The following CELF5 variants were observed in gnomAD, a reference collection of about 807,000 sequenced individuals.
The protein encoded by CELF5 is CUGBP Elav-like family member 5, also known as CUG-BP and ETR-3 like factor 5.
Under a neutral mutation model 54.9 loss-of-function variants are expected in CELF5, and 6 were observed. That is an observed-to-expected ratio of 0.11 (90% confidence interval 0.06 to 0.22). The LOEUF is 0.22. CELF5 is among the 10% of genes least tolerant of loss of function. CELF5 has a pLI of 1.00. For synonymous variants in CELF5, 271 were observed against 290.9 expected (o/e 0.93, Z 0.70); for missense variants, 401 against 678.6 (o/e 0.59, Z 4.54).
Position 3,224,801 on chromosome 19 carries a change from C to G in CELF5, c.62C>G (p.Pro21Arg). ...CAGCAGCAGCTCCTGCAGCCGCGGC[C>G]CTCGCCCGTGGGCAGCAGCGGGCCC... ...RQQQQLLQPR[P>R]SPVGSSGPEP... is the part of the protein sequence containing the mutation. The change falls in exon 1 of 13, where the codon CCC becomes CGC. Residue 21 changes from proline to arginine, a missense_variant. Coordinates refer to ENST00000292672, the MANE Select transcript of CELF5 (RefSeq NM_021938.4). 6.5e-7 allele frequency: 1 copy of G among 1,532,064 alleles called. No homozygotes were observed. Among genetic ancestry groups the G allele is most frequent in the Non-Finnish European group, 8.8e-7 (1 of 1,140,132 alleles). 94.9% of individuals were successfully genotyped at this position (1,532,064 alleles called of 1,614,324 possible).
chr19:3,269,197 C>T (rs183167265), intron 2 of CELF5, among the ~76,000 whole-genome samples: 179 of 152,228 alleles, frequency 1.2e-3, no homozygotes, highest in Non-Finnish European at 2.0e-3. Context: ...TTTTTTGAGA[C>T]GGAGTATCAC....
intron 11 of CELF5, among the ~76,000 whole-genome samples, chr19:3,290,695 C>T (rs2080330672): frequency 6.6e-6 from 1 of 150,788 alleles, no homozygotes; most frequent in Non-Finnish European, 1.5e-5. Flanking sequence ...TCCTAAGTAG[C>T]TGGGACTACA....
chr19:3,248,501 A>G (rs1043970541), intron 1 of CELF5, among the ~76,000 whole-genome samples: 5 of 151,912 alleles, frequency 3.3e-5, no homozygotes, highest in Non-Finnish European at 5.9e-5. Context: ...TTCACCGAGC[A>G]TGGTGTTCTC....
intron 2 of CELF5, among the ~76,000 whole-genome samples, chr19:3,257,741 G>C (rs1220826996): frequency 6.6e-6 from 1 of 151,690 alleles, no homozygotes; most frequent in Non-Finnish European, 1.5e-5. Flanking sequence ...CTCCCAAAGT[G>C]CTGGGATTAC....
rs373183895 is a variant in CELF5, at chr19:3,268,517, T to C, written c.343-5355T>C. On this transcript the variant is annotated intron_variant, in intron 2 of 12. Transcript: ENST00000292672. This position sits in a 1 kb window ranked among gnomAD's most constrained non-coding sequence, Gnocchi z 4.4. ...TTGTAAGACACTGCCTGGCACCAGC[T>C]CTTGGGTGACTTCCCGTGCCAGGCA... 3.0e-4 allele frequency among the ~76,000 whole-genome samples: 45 copies of C among 151,872 alleles called. No individual in the cohort carries two copies. The East Asian group carries it at 8.2e-3, about 28-fold the overall frequency.
intron 5 of CELF5, among the ~76,000 whole-genome samples, chr19:3,279,208 T>TG (rs1009392098): frequency 1.3e-4 from 18 of 143,074 alleles, no homozygotes; most frequent in Admixed American, 4.9e-4. Flanking sequence ...TGAGAATGGA[T>TG]GGGGGGCCTG....
chr19:3,296,006 C>T (rs2080436239), intron 12 of CELF5: 1 of 152,090 alleles, frequency 6.6e-6, no homozygotes, highest in Non-Finnish European at 1.5e-5. Context: ...ACCGGCCAAG[C>T]ACCCCTTTAA....
intron 2 of CELF5, among the ~76,000 whole-genome samples, chr19:3,264,147 C>G (rs1479364749): frequency 1.3e-5 from 2 of 151,564 alleles, no homozygotes; most frequent in East Asian, 3.9e-4. Context: ...AGTGGTGTGC[C>G]CTTGGAATTC....
intron 1 of CELF5, among the ~76,000 whole-genome samples, chr19:3,244,868 G>T (rs2079542314): frequency 6.6e-6 from 1 of 150,394 alleles, no homozygotes; most frequent in African/African-American, 2.5e-5. Context: ...TGTAGTGTGT[G>T]GTGTGTGTAT....
chr19:3,224,694 G>T lies in CELF5; in HGVS notation c.-46G>T. Reference sequence around the variant, plus strand: ...CGGCCGCCGCTCCAGCTGCGAGTCCGCCCGCCGCCCGCCGCCGCCGCCGCC... The same window carrying T: ...CGGCCGCCGCTCCAGCTGCGAGTCCTCCCGCCGCCCGCCGCCGCCGCCGCC... On this transcript the variant is annotated 5_prime_UTR_variant, in exon 1 of 13. Coordinates refer to ENST00000292672, the MANE Select transcript of CELF5 (RefSeq NM_021938.4). The T allele has an allele frequency of 1.0e-6, 1 of 996,612 alleles. No homozygotes were observed. The highest frequency in any genetic ancestry group is 1.8e-5 in the African/African-American group (1 of 56,968). 61.7% of individuals were successfully genotyped at this position (996,612 alleles called of 1,614,324 possible). A position where few individuals can be genotyped will look rare whatever the true frequency, so the allele number is the denominator to read the frequency against.
chr19:3,250,259 C>T (rs2079630053), intron 1 of CELF5, among the ~76,000 whole-genome samples: 1 of 152,170 alleles, frequency 6.6e-6, no homozygotes, highest in Non-Finnish European at 1.5e-5. Context: ...GAGGCCGAGG[C>T]GGGCAGATCA....
At chr19:3,285,029 AG>A in intron 9 of CELF5, 65 bp downstream of exon 9, 1 of 1,118,984 alleles carries the variant, frequency 8.9e-7, no homozygotes, top group Non-Finnish European at 1.3e-6. Flanking sequence ...CCCCGCCCCC[AG>A]GGCCCGCCCC....
In CELF5 at chr19:3,268,124, G is replaced by A. The variant is rs929995477; in HGVS notation, c.343-5748G>A. Among the ~76,000 whole-genome samples the A allele has an allele frequency of 1.3e-5, 2 of 152,018 alleles. No homozygotes were observed. Among genetic ancestry groups the A allele is most frequent in the Admixed American group, 6.6e-5 (1 of 15,254 alleles). On this transcript the variant is annotated intron_variant, in intron 2 of 12. Coordinates refer to ENST00000292672, the MANE Select transcript of CELF5 (RefSeq NM_021938.4). The surrounding 1 kb of genome is among the most constrained non-coding windows in gnomAD (Gnocchi z 4.4). ...AGCAATTCTTCTGCCTCAGCCTCCC[G>A]AGTAGCTGGGATTACAGGTGCCCGC... is the stretch of plus-strand genomic sequence containing the variant.
At chr19:3,227,067 C>T (rs1916965925) in intron 1 of CELF5, among the ~76,000 whole-genome samples, 1 of 152,090 alleles carries the variant, frequency 6.6e-6, no homozygotes, top group Admixed American at 6.6e-5. Flanking sequence ...GGTCCCAGGT[C>T]CGTCTGTGTG....
chr19:3,261,902 A>C (rs187238719), intron 2 of CELF5, among the ~76,000 whole-genome samples: 1 of 152,322 alleles, frequency 6.6e-6, no homozygotes, highest in East Asian at 1.9e-4. Flanking sequence ...AACACTATCC[A>C]TGGAACATTT....
chr19:3,285,973 C>G lies in CELF5; in HGVS notation c.1134C>G (p.Ile378Met), dbSNP rs976693797. ...AMYPTAAITP[I>M]AHSVPQPPPL... is the part of the protein sequence containing the mutation. ...ACCCCACCGCGGCCATCACGCCCATCGCGCACAGCGTCCCCCAGCCGCCGC... is the reference window on the plus strand; with the variant it reads ...ACCCCACCGCGGCCATCACGCCCATGGCGCACAGCGTCCCCCAGCCGCCGC... Residue 378 changes from isoleucine to methionine, a missense_variant, in exon 10 of 13, where the codon ATC becomes ATG. Coordinates refer to ENST00000292672, the MANE Select transcript of CELF5 (RefSeq NM_021938.4). 2 of 1,588,734 alleles carry G rather than the reference C, an allele frequency of 1.3e-6. No individual in the cohort carries two copies. Among genetic ancestry groups the G allele is most frequent in the African/African-American group, 1.4e-5 (1 of 72,486 alleles).
chr19:3,290,103 G>A (rs536850487), intron 10 of CELF5, 128 bp from the exon 11 acceptor site: 7 of 666,018 alleles, frequency 1.1e-5, no homozygotes, highest in Non-Finnish European at 1.8e-5. Flanking sequence ...CTTCTTTCTG[G>A]GTGTCTGAGG....
chr19:3,249,881 A>AG (rs2079624049), intron 1 of CELF5, among the ~76,000 whole-genome samples: 1 of 152,110 alleles, frequency 6.6e-6, no homozygotes, highest in African/African-American at 2.4e-5. Flanking sequence ...TGGGACCACT[A>AG]GTGCCCTCCC....
At chr19:3,238,701 G>A (rs994617406) in intron 1 of CELF5, among the ~76,000 whole-genome samples, 10 of 152,242 alleles carry the variant, frequency 6.6e-5, no homozygotes, top group African/African-American at 2.2e-4. Context: ...GGAGACCGAG[G>A]CAGGTGGTTC....
Sources: allele counts gnomAD v4.1 joint callset (sites outside exome capture counted in the v4.1 genomes callset), GRCh38; gene constraint gnomAD v4.1.1; non-coding constraint Gnocchi (gnomAD v3.1); transcripts MANE v1.5; gene names NCBI Gene and HGNC (gene_info 2026-07-23, HGNC 2026-07-21).